RNMT: variants seen among roughly 807,000 people sequenced by gnomAD.
The protein encoded by RNMT is RNA guanine-7 methyltransferase.
In RNMT, 27 loss-of-function variants were observed where a neutral mutation model predicts 56.0. The ratio of observed to expected loss-of-function variants is 0.48; its 90% confidence interval spans 0.36 to 0.67. RNMT has a LOEUF of 0.67. Among genes scored for constraint, RNMT ranks in the 30% least tolerant of loss-of-function variants. RNMT has a pLI of 0.00. For missense variants in RNMT, 519 were observed against 552.1 expected, an observed-to-expected ratio of 0.94 and a Z score of 0.60; for synonymous variants, 184 against 176.2, an observed-to-expected ratio of 1.04 and a Z score of -0.35.
chr18:13,744,461 G>A (rs760669729), intron 8 of RNMT, among the ~76,000 whole-genome samples: 14 of 152,006 alleles, frequency 9.2e-5, no homozygotes, highest in South Asian at 8.3e-4. Context: ...ATTTACAAAC[G>A]AAAATGAACT....
At chr18:13,742,908 GA>G in intron 8 of RNMT, 4 of 248,638 alleles carry the variant, frequency 1.6e-5, no homozygotes, top group Non-Finnish European at 3.0e-5. Flanking sequence ...TCCTGTGGGT[GA>G]AAAAGGGAAC....
At chr18:13,754,205 A>C in intron 11 of RNMT, 58 bp downstream of exon 11, 1 of 1,213,240 alleles carries the variant, frequency 8.2e-7, no homozygotes, top group Non-Finnish European at 1.2e-6. Flanking sequence ...TTTCAAAGTG[A>C]TCATTAAAAC....
chr18:13,732,455 A>G (rs8096764), intron 3 of RNMT, among the ~76,000 whole-genome samples: 13,054 of 152,216 alleles, frequency 0.086, 733 homozygotes, highest in African/African-American at 0.16. Context: ...CCCTTTATTA[A>G]TGTAATTCCT....
At chr18:13,736,805 G>T (rs1180454857) in intron 4 of RNMT, among the ~76,000 whole-genome samples, 1 of 151,980 alleles carries the variant, frequency 6.6e-6, no homozygotes, top group African/African-American at 2.4e-5. Flanking sequence ...CACCAGACAC[G>T]TACTCTTTAA....
In RNMT at chr18:13,758,096, A is replaced by T. The variant is rs184501500; in HGVS notation, c.1394-1846A>T. Among the ~76,000 whole-genome samples, 5 of 152,324 alleles carry T rather than the reference A, an allele frequency of 3.3e-5. No individual in the cohort carries two copies. The East Asian group carries it at 9.6e-4, about 29-fold the overall frequency. On this transcript the variant is annotated intron_variant, in intron 11 of 11. Coordinates refer to ENST00000383314, the MANE Select transcript of RNMT (RefSeq NM_003799.3). ...GGCCTAAAATACTCAGTAAACCGTG[A>T]TGTGAACAGATATGCTGTCATCCAG... is the stretch of plus-strand genomic sequence containing the variant.
intron 10 of RNMT, among the ~76,000 whole-genome samples, chr18:13,753,764 C>G (rs1317874262): frequency 7.4e-6 from 1 of 134,584 alleles, no homozygotes; most frequent in Non-Finnish European, 1.6e-5. Flanking sequence ...GAGCAAGGCT[C>G]TGTCTCAAAA....
At chr18:13,731,357 G>A (rs1207802389) in intron 2 of RNMT, 119 bp from the exon 3 acceptor site, 5 of 503,818 alleles carry the variant, frequency 9.9e-6, no homozygotes, top group Admixed American at 3.6e-5. Context: ...GCAGTGAGCC[G>A]AGATCATGCC....
rs1280758620 is a variant in RNMT at position 13,733,432 on chromosome 18, C to T, written c.418-1032C>T. Among the ~76,000 whole-genome samples, 5 of 152,030 alleles carry T rather than the reference C, an allele frequency of 3.3e-5. 1 individual carries two copies. The highest frequency in any genetic ancestry group is 1.3e-4 in the Admixed American group (2 of 15,270). On this transcript the variant is annotated intron_variant, in intron 3 of 11. Transcript: ENST00000383314. ...TCGCTCTGTTGCCCATGCTGGAGTG[C>T]GGTGGCCCGATCTCGGCTCACTGCA...
Position 13,731,497 on chromosome 18 carries a change from C to T in RNMT, c.-21C>T. On this transcript the variant is annotated 5_prime_UTR_variant, in exon 3 of 12. Coordinates refer to ENST00000383314, the MANE Select transcript of RNMT (RefSeq NM_003799.3). ...CTAGTGTTGGTTCATGAAGTTTTACCATCAATTCAAGTAATCATAAATGGC... is the reference window on the plus strand; with the variant it reads ...CTAGTGTTGGTTCATGAAGTTTTACTATCAATTCAAGTAATCATAAATGGC... The T allele has an allele frequency of 6.4e-7, 1 of 1,554,752 alleles. No homozygotes were observed. The highest frequency in any genetic ancestry group is 8.7e-7 in the Non-Finnish European group (1 of 1,151,528).
intron 7 of RNMT, 89 bp from the exon 8 acceptor site, chr18:13,742,399 A>T: frequency 1.7e-6 from 2 of 1,158,728 alleles, no homozygotes; most frequent in Non-Finnish European, 2.5e-6. Context: ...TGCATCATGT[A>T]GTTTTTCACA....
At chr18:13,748,296 A>T (rs2044384191) in intron 9 of RNMT, among the ~76,000 whole-genome samples, 2 of 152,158 alleles carry the variant, frequency 1.3e-5, no homozygotes, top group South Asian at 4.1e-4. Flanking sequence ...CTGTCTGGGG[A>T]CAGAAGCAGT....
rs200997002 is a variant in RNMT at position 13,760,548 on chromosome 18, A to G, written c.*569A>G. On this transcript the variant is annotated 3_prime_UTR_variant, in exon 12 of 12. Transcript: ENST00000383314. ...TAGCAATTTATTGCATTTTGAAATA[A>G]TCATTAACATGCTGCAATTCAGGAG... 2.5e-5 allele frequency: 25 copies of G among 985,838 alleles called. No individual in the cohort carries two copies. In the East Asian group the frequency reaches 1.4e-3, roughly 54 times the overall value. 61.1% of individuals were successfully genotyped at this position (985,838 alleles called of 1,614,324 possible).
Position 13,763,938 on chromosome 18 carries a change from G to A in RNMT, c.*3959G>A, listed in dbSNP as rs147165549. ...TGAGTAAGGGGCTTTGTTGAAAGAG[G>A]GGGTTAGAGAGAGCAAGACAGCACT... is the stretch of plus-strand genomic sequence containing the variant. On this transcript the variant is annotated 3_prime_UTR_variant, in exon 12 of 12. Coordinates refer to ENST00000383314, the MANE Select transcript of RNMT (RefSeq NM_003799.3). 0.021 allele frequency: 3,254 copies of A among 152,372 alleles called. 46 individuals carry two copies. Among genetic ancestry groups the A allele is most frequent in the Middle Eastern group, 0.073 (22 of 300 alleles). The allele number at this position is 152,372 out of a possible 1,614,324, so 9.4% of individuals were successfully genotyped here.
At chr18:13,752,182 A>T in intron 9 of RNMT, 144 bp from the exon 10 acceptor site, 15 of 574,750 alleles carry the variant, frequency 2.6e-5, no homozygotes, top group African/African-American at 3.7e-5. Context: ...TTTTTTCTGT[A>T]TTTCAAAAGT....
At chr18:13,758,752 T>C (rs987892758) in intron 11 of RNMT, among the ~76,000 whole-genome samples, 4 of 152,182 alleles carry the variant, frequency 2.6e-5, no homozygotes, top group African/African-American at 9.6e-5. Flanking sequence ...AACGGCTGAT[T>C]TCAAGCCTAG....
intron 1 of RNMT, among the ~76,000 whole-genome samples, chr18:13,727,072 G>A (rs1257999028): frequency 6.6e-6 from 1 of 152,250 alleles, no homozygotes; most frequent in Non-Finnish European, 1.5e-5. Context: ...CTGAACCAGA[G>A]GTTGAGTAAC....
In RNMT at chr18:13,760,621, G is replaced by A; in HGVS notation, c.*642G>A. ...CAGCATAGAATTTTGGAATTTTGGG[G>A]CTTTCTTTTCAGAAATTGCTACCAT... On this transcript the variant is annotated 3_prime_UTR_variant, in exon 12 of 12. Transcript: ENST00000383314. 1 of 985,366 alleles carries A rather than the reference G, an allele frequency of 1.0e-6. No homozygotes were observed. Among genetic ancestry groups the A allele is most frequent in the Non-Finnish European group, 1.2e-6 (1 of 829,876 alleles). 61.0% of individuals were successfully genotyped at this position (985,366 alleles called of 1,614,324 possible).
intron 3 of RNMT, 50 bp from the exon 4 acceptor site, chr18:13,734,414 T>C (rs1602000504): frequency 6.5e-7 from 1 of 1,539,476 alleles, no homozygotes. Context: ...TGAGGCTTAT[T>C]TTTACCATGT....
At position 13,761,875 on chromosome 18, in the gene RNMT, C is replaced by G; in HGVS notation, c.*1896C>G. ...TCCCCCCGGCCCCAAGCCCCTGTGT[C>G]TCCTTGTTACAATTAAGTTTCTGGA... On this transcript the variant is annotated 3_prime_UTR_variant, in exon 12 of 12. Coordinates refer to ENST00000383314, the MANE Select transcript of RNMT (RefSeq NM_003799.3). 6 of 821,996 alleles carry G rather than the reference C, an allele frequency of 7.3e-6. No homozygotes were observed. Among genetic ancestry groups the G allele is most frequent in the Non-Finnish European group, 8.9e-6 (6 of 675,464 alleles). 50.9% of individuals were successfully genotyped at this position (821,996 alleles called of 1,614,324 possible). A position where few individuals can be genotyped will look rare whatever the true frequency, so the allele number is the denominator to read the frequency against.
Sources: allele counts gnomAD v4.1 joint callset (sites outside exome capture counted in the v4.1 genomes callset), GRCh38; gene constraint gnomAD v4.1.1; transcripts MANE v1.5; gene names NCBI Gene and HGNC (gene_info 2026-07-23, HGNC 2026-07-21).